C18orf63: variants seen among roughly 807,000 people sequenced by gnomAD.
The protein encoded by C18orf63 is uncharacterized protein C18orf63.
A neutral mutation model predicts 75.3 loss-of-function variants in C18orf63; 50 were observed. That is an observed-to-expected ratio of 0.66 (90% CI 0.53 to 0.84). The LOEUF is 0.84. Ranked by LOEUF, C18orf63 falls within the 40% of genes least tolerant of loss-of-function variation. C18orf63 has a pLI of 0.00. For missense variants in C18orf63, 732 were observed against 800.2 expected (o/e 0.91, Z 1.03); for synonymous variants, 232 against 267.6 (o/e 0.87, Z 1.30).
Position 74,326,522 on chromosome 18 carries a change from C to T in C18orf63, c.271-1425C>T, listed in dbSNP as rs536905761. 9.2e-5 allele frequency among the ~76,000 whole-genome samples: 14 copies of T among 152,332 alleles called. No individual in the cohort carries two copies. The South Asian group carries it at 2.7e-3, about 29-fold the overall frequency. On this transcript the variant is annotated intron_variant, in intron 4 of 13. Coordinates refer to ENST00000579455, the MANE Select transcript of C18orf63 (RefSeq NM_001174123.2). ...TGCTTTCTGTGCAGCTCCCATACTT[C>T]GCACTGAAAACTCTAGCTTCCTAGA...
Position 74,353,592 on chromosome 18 carries a change from G to C in C18orf63, c.1325G>C (p.Arg442Thr). The change falls in exon 12 of 14, where the codon AGA becomes ACA. Residue 442 changes from arginine (R) to threonine (T), a missense_variant. Transcript: ENST00000579455. The part of the protein sequence containing the change: ...TPKFVPVFKN[R>T]LLQMNKNTSV... Reference sequence around the variant, plus strand: ...AAGTTTGTACCAGTTTTCAAAAATAGATTGTTACAAATGAACAAAAATACC... The same window carrying C: ...AAGTTTGTACCAGTTTTCAAAAATACATTGTTACAAATGAACAAAAATACC... 6.5e-7 allele frequency: 1 copy of C among 1,536,334 alleles called. No homozygotes were observed. Among genetic ancestry groups the C allele is most frequent in the Non-Finnish European group, 8.7e-7 (1 of 1,146,926 alleles).
In C18orf63 at chr18:74,318,097, C is replaced by T. The variant is rs994451332; in HGVS notation, c.134+98C>T. 3 of 688,850 alleles carry T rather than the reference C, an allele frequency of 4.4e-6. 1 individual carries two copies. The South Asian group carries it at 1.4e-4, about 32-fold the overall frequency. 42.7% of individuals were successfully genotyped at this position (688,850 alleles called of 1,614,324 possible). On this transcript the variant is annotated intron_variant, in intron 2 of 13. Transcript: ENST00000579455. The stretch of plus-strand genomic sequence containing the variant: ...CTATAAAGCAAAATACTCATTCACT[C>T]AACTTGTGTTTATAATTTTAAAATA...
At position 74,350,074 on chromosome 18, in the gene C18orf63, G is replaced by A. The variant is rs575254094; in HGVS notation, c.979-3172G>A. Among the ~76,000 whole-genome samples the A allele has an allele frequency of 3.9e-5, 6 of 152,268 alleles. No homozygotes were observed. The East Asian group carries it at 1.2e-3, about 29-fold the overall frequency. On this transcript the variant is annotated intron_variant, in intron 11 of 13. Coordinates refer to ENST00000579455, the MANE Select transcript of C18orf63 (RefSeq NM_001174123.2). ...GTCACAGCATAGAGATTGGCTGTGGGGTGTGGGGGTAGGAGGCCTTCACAC... is the reference window on the plus strand; with the variant it reads ...GTCACAGCATAGAGATTGGCTGTGGAGTGTGGGGGTAGGAGGCCTTCACAC...
intron 8 of C18orf63, among the ~76,000 whole-genome samples, chr18:74,340,895 A>G (rs1437470588): frequency 6.6e-6 from 1 of 152,264 alleles, no homozygotes; most frequent in African/African-American, 2.4e-5. Flanking sequence ...GTGAAAGGAT[A>G]CAAAATTTCA....
intron 4 of C18orf63, among the ~76,000 whole-genome samples, chr18:74,324,160 G>A (rs1984169954): frequency 6.6e-6 from 1 of 152,196 alleles, no homozygotes; most frequent in Non-Finnish European, 1.5e-5. Flanking sequence ...CGGTACAAAA[G>A]CACTCAGGGA....
chr18:74,354,794 T>C (rs1984735368), intron 13 of C18orf63, among the ~76,000 whole-genome samples: 1 of 152,226 alleles, frequency 6.6e-6, no homozygotes, highest in African/African-American at 2.4e-5. Context: ...CCCCTCACTC[T>C]GTTCTGGGGA....
At chr18:74,351,780 C>T (rs1984671359) in intron 11 of C18orf63, among the ~76,000 whole-genome samples, 3 of 152,162 alleles carry the variant, frequency 2.0e-5, no homozygotes, top group Admixed American at 2.0e-4. Context: ...TTCCTATTCT[C>T]TTCTCAACCT....
chr18:74,353,829 A>T lies in C18orf63; in HGVS notation c.1562A>T (p.Asn521Ile). Residue 521 changes from asparagine to isoleucine, a missense_variant, in exon 12 of 14, where the codon AAT (asparagine) becomes ATT (isoleucine). Transcript: ENST00000579455. ...LQEKNTESSE[N>I]MTKFPSSRGK... is the part of the protein sequence containing the mutation. ...GAAAAAAATACAGAGTCTTCTGAAA[A>T]TATGACAAAATTTCCCTCTTCTCGT... 1 of 1,536,068 alleles carries T rather than the reference A, an allele frequency of 6.5e-7. No homozygotes were observed. Among genetic ancestry groups the T allele is most frequent in the African/African-American group, 1.4e-5 (1 of 73,168 alleles).
intron 10 of C18orf63, among the ~76,000 whole-genome samples, chr18:74,343,243 C>T (rs1413356811): frequency 6.6e-6 from 1 of 151,914 alleles, no homozygotes; most frequent in Non-Finnish European, 1.5e-5. Context: ...CCTTATAAAT[C>T]GTTTTTGGAA....
At chr18:74,336,044 G>T (rs1484702636) in intron 7 of C18orf63, among the ~76,000 whole-genome samples, 1 of 151,998 alleles carries the variant, frequency 6.6e-6, no homozygotes, top group African/African-American at 2.4e-5. Flanking sequence ...TACATTAAGG[G>T]CCTAGCATAG....
At chr18:74,342,937 T>C (rs1984513299) in intron 10 of C18orf63, among the ~76,000 whole-genome samples, 1 of 152,172 alleles carries the variant, frequency 6.6e-6, no homozygotes, top group South Asian at 2.1e-4. Flanking sequence ...AGGAAGAGCC[T>C]CAGTGTTGTC....
chr18:74,325,038 C>T (rs1319278447), intron 4 of C18orf63, among the ~76,000 whole-genome samples: 1 of 152,138 alleles, frequency 6.6e-6, no homozygotes, highest in African/African-American at 2.4e-5. Flanking sequence ...GTCAAGCACT[C>T]TACTTGATTC....
intron 8 of C18orf63, among the ~76,000 whole-genome samples, chr18:74,340,894 T>C (rs886118886): frequency 6.6e-6 from 1 of 152,022 alleles, no homozygotes; most frequent in Admixed American, 6.6e-5. Flanking sequence ...GGTGAAAGGA[T>C]ACAAAATTTC....
intron 2 of C18orf63, 39 bp from the exon 3 acceptor site, chr18:74,320,474 C>T (rs1984101686): frequency 7.2e-7 from 1 of 1,398,240 alleles, no homozygotes; most frequent in Admixed American, 2.0e-5. Flanking sequence ...CAGAACCAAA[C>T]CATACCAGTC....
intron 11 of C18orf63, among the ~76,000 whole-genome samples, chr18:74,347,237 A>G (rs1316799291): frequency 6.6e-6 from 1 of 152,224 alleles, no homozygotes; most frequent in Non-Finnish European, 1.5e-5. Context: ...GGTCTAGTGC[A>G]CATGATGTTT....
chr18:74,354,202 C>T lies in C18orf63; in HGVS notation c.1935C>T (p.Ser645=). The change falls in exon 12 of 14, where the codon TCC becomes TCT. Residue 645 remains serine (S), a synonymous_variant. Transcript: ENST00000579455. ...RSKRKLCPES[S]KTSKKHHSDT... ...AAAGAAAATTATGTCCAGAGTCTTC[C>T]AAAACTTCAAAGAAGCATCATTCCG... 1 of 1,535,998 alleles carries T rather than the reference C, an allele frequency of 6.5e-7. No homozygotes were observed. Among genetic ancestry groups the T allele is most frequent in the Non-Finnish European group, 8.7e-7 (1 of 1,146,874 alleles).
chr18:74,330,531 C>T (rs1317718641), intron 6 of C18orf63, among the ~76,000 whole-genome samples: 1 of 151,984 alleles, frequency 6.6e-6, no homozygotes, highest in Non-Finnish European at 1.5e-5. Flanking sequence ...GGACAATCTC[C>T]ATATTTATAT....
At chr18:74,328,476 T>C (rs924860289) in intron 5 of C18orf63, among the ~76,000 whole-genome samples, 2 of 152,198 alleles carry the variant, frequency 1.3e-5, no homozygotes, top group Non-Finnish European at 2.9e-5. Flanking sequence ...CATATGAATG[T>C]GCATCTGTTC....
At chr18:74,326,883 C>T (rs1047083260) in intron 4 of C18orf63, among the ~76,000 whole-genome samples, 10 of 152,008 alleles carry the variant, frequency 6.6e-5, no homozygotes, top group African/African-American at 1.2e-4. Flanking sequence ...CTCTTGGTTG[C>T]GTGTGCCCAT....
Sources: gnomAD v4.1 joint callset for allele counts (sites outside exome capture counted in the v4.1 genomes callset) on GRCh38, gnomAD v4.1.1 for gene constraint, MANE v1.5 for transcripts, NCBI Gene and HGNC (gene_info 2026-07-23, HGNC 2026-07-21) for gene names.